Variants in SNX25 observed in about 807,000 individuals in gnomAD.
SNX25 encodes the protein sorting nexin-25.
Under a neutral mutation model 113.7 loss-of-function variants are expected in SNX25, and 62 were observed. The ratio of observed to expected loss-of-function variants is 0.55; its 90% CI spans 0.44 to 0.67. SNX25 has a LOEUF of 0.67. Among genes scored for constraint, SNX25 ranks in the 30% least tolerant of loss-of-function variants. SNX25 has a pLI of 0.00. For missense variants in SNX25, 1,014 were observed against 1,161.0 expected, an observed-to-expected ratio of 0.87 and a Z score of 1.84; for synonymous variants, 421 against 436.2, an observed-to-expected ratio of 0.97 and a Z score of 0.43.
At chr4:185,321,294 ACTCTTTTACC>A (rs1373308632) in intron 8 of SNX25, among the ~76,000 whole-genome samples, 4 of 121,964 alleles carry the variant, frequency 3.3e-5, no homozygotes, top group Non-Finnish European at 1.7e-5. Context: ...ACGGAGCCTT[ACTCTTTTACC>A]CAGGCTGGAG....
chr4:185,276,458 A>G (rs889826923), intron 5 of SNX25, among the ~76,000 whole-genome samples: 4 of 152,240 alleles, frequency 2.6e-5, no homozygotes, highest in Admixed American at 6.5e-5. Flanking sequence ...GAACCGTTTT[A>G]AAGCCAAAGA....
At chr4:185,349,021 G>T (rs2095302293) in intron 13 of SNX25, among the ~76,000 whole-genome samples, 1 of 152,006 alleles carries the variant, frequency 6.6e-6, no homozygotes, top group African/African-American at 2.4e-5. Flanking sequence ...TCATGTTGTT[G>T]CAATTGACAG....
intron 1 of SNX25, among the ~76,000 whole-genome samples, chr4:185,228,847 C>G (rs1741399174): frequency 6.6e-6 from 1 of 152,178 alleles, no homozygotes; most frequent in South Asian, 2.1e-4. Flanking sequence ...TCACAGTTAT[C>G]CTATGAGAAA....
chr4:185,221,033 A>ATTT (rs34885137), intron 1 of SNX25, among the ~76,000 whole-genome samples: 1 of 141,530 alleles, frequency 7.1e-6, no homozygotes, highest in Non-Finnish European at 1.6e-5. Context: ...CACCCAGCTA[A>ATTT]TTTTTTTTTT....
chr4:185,320,788 T>G lies in SNX25; in HGVS notation c.1400T>G (p.Met467Arg). 6.2e-7 allele frequency: 1 copy of G among 1,605,116 alleles called. No individual in the cohort carries two copies. Among genetic ancestry groups the G allele is most frequent in the Non-Finnish European group, 8.5e-7 (1 of 1,176,030 alleles). Residue 467 changes from methionine (M) to arginine (R), a missense_variant, in exon 8 of 19, where the codon ATG (methionine) becomes AGG (arginine). Met to Arg is a moderately conservative substitution (Grantham distance 91). Coordinates refer to ENST00000652585, the MANE Select transcript of SNX25 (RefSeq NM_001378034.2). ...ANTFYREHFG[M>R]YMERMDKRAL... ...ACGTTCTACCGAGAGCACTTTGGAA[T>G]GTACATGGAAAGGATGGACAAAAGA...
At chr4:185,253,104 A>G (rs994224454) in intron 2 of SNX25, among the ~76,000 whole-genome samples, 4 of 152,200 alleles carry the variant, frequency 2.6e-5, no homozygotes, top group Admixed American at 6.5e-5. Flanking sequence ...TTGACTTACT[A>G]TTAAATCTCA....
intron 4 of SNX25, among the ~76,000 whole-genome samples, chr4:185,265,768 G>C (rs1747993507): frequency 6.6e-6 from 1 of 151,826 alleles, no homozygotes; most frequent in Non-Finnish European, 1.5e-5. Context: ...AATTGTATGT[G>C]CTGTATTTTT....
At chr4:185,273,455 T>C (rs558124226) in intron 5 of SNX25, among the ~76,000 whole-genome samples, 3 of 152,326 alleles carry the variant, frequency 2.0e-5, no homozygotes, top group Admixed American at 2.0e-4. Context: ...ATTTGATGTA[T>C]GTACACATTG....
chr4:185,327,898 T>G (rs999194227), intron 9 of SNX25, among the ~76,000 whole-genome samples: 2 of 152,220 alleles, frequency 1.3e-5, no homozygotes, highest in African/African-American at 4.8e-5. Context: ...TTTATAGTAT[T>G]CGGCAGAGAT....
At chr4:185,206,810 C>A (rs2111449045), upstream of SNX25, among the ~76,000 whole-genome samples, 1 of 152,256 alleles carries the variant, frequency 6.6e-6, no homozygotes, top group African/African-American at 2.4e-5. Context: ...TGATGATACA[C>A]CCTTCGCCGG....
At chr4:185,261,114 CTGTG>C (rs369434936) in intron 3 of SNX25, among the ~76,000 whole-genome samples, 6,129 of 141,612 alleles carry the variant, frequency 0.043, 130 homozygotes, top group African/African-American at 0.065. Flanking sequence ...CTGTCTGTCT[CTGTG>C]TGTGTGTGTG....
At chr4:185,370,634 G>A, downstream of SNX25, 1 of 1,612,644 alleles carries the variant, frequency 6.2e-7, no homozygotes, top group Non-Finnish European at 8.5e-7. Flanking sequence ...TTGTTCTAAA[G>A]CTTACTTTAG....
intron 7 of SNX25, among the ~76,000 whole-genome samples, chr4:185,311,045 G>A (rs990930442): frequency 1.3e-5 from 2 of 152,102 alleles, no homozygotes; most frequent in Non-Finnish European, 2.9e-5. Flanking sequence ...GTGTGTGCGT[G>A]TGTGGATATT....
intron 7 of SNX25, 66 bp from the exon 8 acceptor site, chr4:185,320,667 G>T: frequency 8.0e-7 from 1 of 1,242,662 alleles, no homozygotes; most frequent in South Asian, 2.1e-5. Context: ...CAGTCCATTG[G>T]AAGTTAAAGC....
At chr4:185,353,637 T>C in intron 15 of SNX25, 35 bp downstream of exon 15, 1 of 1,489,228 alleles carries the variant, frequency 6.7e-7, no homozygotes, top group Non-Finnish European at 9.4e-7. Flanking sequence ...TGGTATTTGC[T>C]AGTTAAGTGG....
At chr4:185,365,683 A>AAAAG (rs1166538746), downstream of SNX25, 1 of 139,902 alleles carries the variant, frequency 7.1e-6, no homozygotes, top group Non-Finnish European at 1.6e-5. Flanking sequence ...CCGTCTCAAA[A>AAAAG]AAAAAAAAAT....
chr4:185,278,323 C>A (rs922987637), intron 5 of SNX25, among the ~76,000 whole-genome samples: 4 of 152,220 alleles, frequency 2.6e-5, no homozygotes, highest in African/African-American at 9.6e-5. Context: ...AGCTTGGGCT[C>A]AAGAGTCAGA....
chr4:185,259,638 A>C (rs1337882091), intron 3 of SNX25, among the ~76,000 whole-genome samples: 1 of 152,156 alleles, frequency 6.6e-6, no homozygotes, highest in Admixed American at 6.5e-5. Context: ...TGACTAGAGA[A>C]ATTTCATTAT....
At chr4:185,301,736 G>A (rs1288559) in intron 6 of SNX25, among the ~76,000 whole-genome samples, 143,543 of 152,092 alleles carry the variant, frequency 0.94, 67,836 homozygotes, top group East Asian at 1. Flanking sequence ...ACAGGCATGC[G>A]CCAGCACGCT....
Sources: gnomAD v4.1 joint callset for allele counts (sites outside exome capture counted in the v4.1 genomes callset) on GRCh38, gnomAD v4.1.1 for gene constraint, MANE v1.5 for transcripts, NCBI Gene and HGNC (gene_info 2026-07-23, HGNC 2026-07-21) for gene names.